The following B4GALT5 variants were observed in gnomAD, a reference collection of about 807,000 sequenced individuals.
B4GALT5 encodes the protein beta-1,4-galactosyltransferase 5, also known as UDP-Gal:beta-GlcNAc beta-1,4-galactosyltransferase 5.
A neutral mutation model predicts 45.0 loss-of-function variants in B4GALT5; 11 were observed. That is an observed-to-expected ratio of 0.24 (90% CI 0.15 to 0.40). The LOEUF (loss-of-function observed/expected upper bound fraction) is 0.40. Ranked by LOEUF, B4GALT5 falls within the 10% of genes least tolerant of loss-of-function variation. The pLI, the probability that B4GALT5 is intolerant of heterozygous loss-of-function variation, is 1.00. For synonymous variants in B4GALT5, 185 were observed against 182.9 expected (o/e 1.01, Z -0.09); for missense variants, 337 against 500.2 (o/e 0.67, Z 3.11).
At chr20:49,671,939 C>T (rs546978636) in intron 1 of B4GALT5, among the ~76,000 whole-genome samples, 172 of 152,186 alleles carry the variant, frequency 1.1e-3, no homozygotes, top group African/African-American at 4.1e-3. Context: ...AGAGATTCCT[C>T]CCCTCTTCAT....
At chr20:49,647,202 G>C (rs1266484938) in intron 2 of B4GALT5, 124 bp from the exon 3 acceptor site, 1 of 599,872 alleles carries the variant, frequency 1.7e-6, no homozygotes, top group Non-Finnish European at 3.0e-6. Context: ...CAGGACTCTG[G>C]ACTACCGCTT....
chr20:49,705,764 A>G (rs2085881168), intron 1 of B4GALT5, among the ~76,000 whole-genome samples: 1 of 152,184 alleles, frequency 6.6e-6, no homozygotes, highest in East Asian at 1.9e-4. Context: ...CAGTCTCCTC[A>G]GTTCACAGAA....
intron 1 of B4GALT5, among the ~76,000 whole-genome samples, chr20:49,663,690 A>AAAAAT (rs1555812124): frequency 4.1e-5 from 4 of 96,962 alleles, no homozygotes; most frequent in African/African-American, 1.8e-4. Context: ...AAAAAAAAAA[A>AAAAAT]ATATATACAT....
chr20:49,667,878 C>A (rs2085698671), intron 1 of B4GALT5, among the ~76,000 whole-genome samples: 1 of 152,104 alleles, frequency 6.6e-6, no homozygotes, highest in Admixed American at 6.5e-5. Context: ...GCTTAAAATG[C>A]TGGATACTCA....
chr20:49,712,867 G>A (rs1370351911), intron 1 of B4GALT5, among the ~76,000 whole-genome samples: 3 of 149,584 alleles, frequency 2.0e-5, no homozygotes, highest in Non-Finnish European at 4.5e-5. Flanking sequence ...AAGAGGCATG[G>A]GACGCTCAGG....
intron 1 of B4GALT5, among the ~76,000 whole-genome samples, chr20:49,689,918 T>A (rs962389705): frequency 9.2e-5 from 14 of 152,190 alleles, no homozygotes; most frequent in African/African-American, 3.4e-4. Context: ...TCTCGCTACG[T>A]TGCCCAGGCT....
intron 1 of B4GALT5, among the ~76,000 whole-genome samples, chr20:49,706,179 G>A (rs2085883020): frequency 7.0e-6 from 1 of 142,752 alleles, no homozygotes; most frequent in African/African-American, 2.6e-5. Flanking sequence ...TGGGCAACAA[G>A]AGAGCGAAAC....
chr20:49,713,038 G>A (rs1345246349), intron 1 of B4GALT5, among the ~76,000 whole-genome samples: 3 of 151,138 alleles, frequency 2.0e-5, no homozygotes, highest in Non-Finnish European at 4.4e-5. Context: ...GGGAGGGAGG[G>A]GGCTCACGGG....
At chr20:49,658,168 T>C (rs2085650995) in intron 1 of B4GALT5, among the ~76,000 whole-genome samples, 1 of 152,158 alleles carries the variant, frequency 6.6e-6, no homozygotes, top group Non-Finnish European at 1.5e-5. Flanking sequence ...ATTGTGTTTA[T>C]TCTCTAGTAG....
intron 1 of B4GALT5, among the ~76,000 whole-genome samples, chr20:49,688,945 A>C (rs1459234121): frequency 1.3e-5 from 2 of 152,084 alleles, no homozygotes; most frequent in Non-Finnish European, 2.9e-5. Flanking sequence ...CTCAAAAAAA[A>C]AAAAAAAAAA....
At chr20:49,667,336 G>A (rs746592300) in intron 1 of B4GALT5, among the ~76,000 whole-genome samples, 17 of 146,872 alleles carry the variant, frequency 1.2e-4, no homozygotes, top group Non-Finnish European at 1.8e-4. Context: ...TGCAGGCTGC[G>A]CCCCCCAGGG....
chr20:49,685,767 C>T (rs953439703), intron 1 of B4GALT5, among the ~76,000 whole-genome samples: 11 of 152,060 alleles, frequency 7.2e-5, no homozygotes, highest in Non-Finnish European at 4.4e-5. Context: ...TACACACTAA[C>T]ATTTAGATCT....
In B4GALT5 at chr20:49,635,447, G is replaced by C. The variant is rs11538050; in HGVS notation, c.*865C>G. ...GAAGTCAAGGGCAAGACTCGTGGGG[G>C]GGGGAAGAAAGGGACAGAAGCCAGC... On this transcript the variant is annotated 3_prime_UTR_variant, in exon 9 of 9. Transcript: ENST00000371711. 6 of 151,986 alleles carry C rather than the reference G, an allele frequency of 3.9e-5. No individual in the cohort carries two copies. Among genetic ancestry groups the C allele is most frequent in the Admixed American group, 1.3e-4 (2 of 15,220 alleles). The allele number at this position is 151,986 out of a possible 1,614,324, so 9.4% of individuals were successfully genotyped here. A position where few individuals can be genotyped will look rare whatever the true frequency, so the allele number is the denominator to read the frequency against.
In B4GALT5 at chr20:49,633,735, A is replaced by G. The variant is rs1179268904; in HGVS notation, c.*2577T>C. 1 of 152,400 alleles carries G rather than the reference A, an allele frequency of 6.6e-6. No homozygotes were observed. Among genetic ancestry groups the G allele is most frequent in the East Asian group, 1.9e-4 (1 of 5,198 alleles). 9.4% of individuals were successfully genotyped at this position (152,400 alleles called of 1,614,324 possible). A position where few individuals can be genotyped will look rare whatever the true frequency, so the allele number is the denominator to read the frequency against. The stretch of plus-strand genomic sequence containing the variant: ...CTTGATGGTAATTATGGCAACATAG[A>G]GCTTCAAACAAGATCGCCTGACAAC... On this transcript the variant is annotated 3_prime_UTR_variant, in exon 9 of 9. Coordinates refer to ENST00000371711, the MANE Select transcript of B4GALT5 (RefSeq NM_004776.4).
At chr20:49,687,503 G>A (rs541202337) in intron 1 of B4GALT5, among the ~76,000 whole-genome samples, 1 of 152,098 alleles carries the variant, frequency 6.6e-6, no homozygotes, top group East Asian at 1.9e-4. Flanking sequence ...AATTAGCCGG[G>A]TGTGGTGGCA....
intron 1 of B4GALT5, among the ~76,000 whole-genome samples, chr20:49,707,322 C>T (rs1425162731): frequency 6.6e-6 from 1 of 151,628 alleles, no homozygotes; most frequent in African/African-American, 2.4e-5. Flanking sequence ...GAAGAAGGGA[C>T]AACACTATAC....
chr20:49,710,040 T>G (rs1015287134), intron 1 of B4GALT5, among the ~76,000 whole-genome samples: 1 of 152,206 alleles, frequency 6.6e-6, no homozygotes, highest in African/African-American at 2.4e-5. Context: ...AGTTAATGGT[T>G]AGGCTGAAAT....
rs899886196 is a variant in B4GALT5, at chr20:49,647,190, G to A, written c.251-112C>T. The A allele has an allele frequency of 7.6e-6, 5 of 661,678 alleles. No homozygotes were observed. The African/African-American group carries it at 9.2e-5, about 12-fold the overall frequency. The allele number at this position is 661,678 out of a possible 1,614,324, so 41.0% of individuals were successfully genotyped here. On this transcript the variant is annotated intron_variant, in intron 2 of 8. Coordinates refer to ENST00000371711, the MANE Select transcript of B4GALT5 (RefSeq NM_004776.4). Reference sequence around the variant, plus strand: ...CTTAGCTATCATCTTGGTAGAAGGAGACAGGACTCTGGACTACCGCTTTGA... The same window carrying A: ...CTTAGCTATCATCTTGGTAGAAGGAAACAGGACTCTGGACTACCGCTTTGA...
At chr20:49,656,546 C>A (rs747557490) in intron 2 of B4GALT5, 22 bp downstream of exon 2, 14 of 1,613,484 alleles carry the variant, frequency 8.7e-6, no homozygotes, top group Non-Finnish European at 1.2e-5. Flanking sequence ...CTAATCAGAC[C>A]ACCTCTTTAC....
Sources: gnomAD v4.1 joint callset for allele counts (sites outside exome capture counted in the v4.1 genomes callset) on GRCh38, gnomAD v4.1.1 for gene constraint, MANE v1.5 for transcripts, NCBI Gene and HGNC (gene_info 2026-07-23, HGNC 2026-07-21) for gene names.